The following MICAL3 variants were observed in gnomAD, a reference collection of about 807,000 sequenced individuals.
MICAL3 encodes the protein [F-actin]-monooxygenase MICAL3.
Under a neutral mutation model 207.4 loss-of-function variants are expected in MICAL3, and 62 were observed. That is an observed-to-expected ratio of 0.30 (90% CI 0.24 to 0.37). MICAL3 has a LOEUF of 0.37. Ranked by LOEUF, MICAL3 falls within the 10% of genes least tolerant of loss-of-function variation. The pLI, the probability that MICAL3 is intolerant of heterozygous loss-of-function variation, is 1.00. For synonymous variants in MICAL3, 1,077 were observed against 1,069.3 expected (o/e 1.01, Z -0.14); for missense variants, 2,368 against 2,635.6 (o/e 0.90, Z 2.22).
intron 1 of MICAL3, among the ~76,000 whole-genome samples, chr22:17,991,660 G>A (rs1288079354): frequency 6.6e-6 from 1 of 152,078 alleles, no homozygotes; most frequent in Non-Finnish European, 1.5e-5. Flanking sequence ...ATTTATAGAA[G>A]ACATAAGTAA....
chr22:17,828,351 T>G (rs113815576), intron 21 of MICAL3, among the ~76,000 whole-genome samples: 1 of 152,234 alleles, frequency 6.6e-6, no homozygotes, highest in Non-Finnish European at 1.5e-5. Flanking sequence ...AGGACAGAGA[T>G]AGACTTTGCT....
chr22:17,885,808 G>A (rs1207777811), intron 16 of MICAL3, 70 bp downstream of exon 16: 2 of 1,508,180 alleles, frequency 1.3e-6, no homozygotes, highest in Non-Finnish European at 1.8e-6. Flanking sequence ...CATCTCAATG[G>A]ATGGAAAAGA....
At chr22:17,824,408 C>G (rs1428909646) in intron 22 of MICAL3, among the ~76,000 whole-genome samples, 2 of 152,254 alleles carry the variant, frequency 1.3e-5, no homozygotes, top group Non-Finnish European at 2.9e-5. Context: ...AGGGCGCAGC[C>G]TCGGAAGTAG....
intron 1 of MICAL3, among the ~76,000 whole-genome samples, chr22:17,949,988 G>A (rs1383409607): frequency 6.6e-6 from 1 of 152,180 alleles, no homozygotes. Flanking sequence ...AGACTCCCTG[G>A]GGTGGTCTAG....
At chr22:17,844,549 A>G (rs1420428575) in intron 19 of MICAL3, among the ~76,000 whole-genome samples, 1 of 152,200 alleles carries the variant, frequency 6.6e-6, no homozygotes, top group Non-Finnish European at 1.5e-5. Flanking sequence ...ACCAAATAGC[A>G]TCTTTCGAAT....
chr22:17,948,383 T>C (rs1160202670), intron 1 of MICAL3, among the ~76,000 whole-genome samples: 1 of 152,166 alleles, frequency 6.6e-6, no homozygotes, highest in Non-Finnish European at 1.5e-5. Flanking sequence ...GCAGCATGGA[T>C]ACCGGGGGGC....
At chr22:17,931,568 C>T (rs1051052288) in intron 1 of MICAL3, among the ~76,000 whole-genome samples, 3 of 152,208 alleles carry the variant, frequency 2.0e-5, no homozygotes, top group African/African-American at 7.2e-5. Context: ...CTACCAACTC[C>T]GTGGAACCAG....
At position 17,904,489 on chromosome 22, in the gene MICAL3, G is replaced by T. The variant is rs1277269979; in HGVS notation, c.472+143C>A. On this transcript the variant is annotated intron_variant, in intron 3 of 31. Coordinates refer to ENST00000441493, the MANE Select transcript of MICAL3 (RefSeq NM_015241.3). ...CAGGTGTTTTTACTTCAAGATGAGT[G>T]CACTTACTATAAGAAAGACAGTAAT... 8.6e-6 allele frequency: 6 copies of T among 694,302 alleles called. No individual in the cohort carries two copies. The African/African-American group carries it at 8.8e-5, about 10-fold the overall frequency. The allele number at this position is 694,302 out of a possible 1,614,324, so 43.0% of individuals were successfully genotyped here.
In MICAL3 at chr22:17,872,726, G is replaced by A. The variant is rs149203114; in HGVS notation, c.2242-703C>T. On this transcript the variant is annotated intron_variant, in intron 16 of 31. Transcript: ENST00000441493. ...TGGCTGTGCTGGGTCTAGCTACACAGTGCCTGGAGGCGTCTCTTACCAGTT... is the reference window on the plus strand; with the variant it reads ...TGGCTGTGCTGGGTCTAGCTACACAATGCCTGGAGGCGTCTCTTACCAGTT... The A allele has an allele frequency of 1.9e-4, 272 of 1,451,238 alleles. 3 individuals carry two copies. The East Asian group carries it at 5.9e-3, about 31-fold the overall frequency. The allele number at this position is 1,451,238 out of a possible 1,614,324, so 89.9% of individuals were successfully genotyped here.
chr22:17,898,668 G>A (rs1931071084), intron 7 of MICAL3, among the ~76,000 whole-genome samples: 1 of 152,156 alleles, frequency 6.6e-6, no homozygotes, highest in South Asian at 2.1e-4. Context: ...TCATCGCATG[G>A]GGACAGTGAT....
chr22:17,887,614 G>A (rs1169908319), intron 13 of MICAL3, among the ~76,000 whole-genome samples, 179 bp from the exon 14 acceptor site: 1 of 152,216 alleles, frequency 6.6e-6, no homozygotes, highest in African/African-American at 2.4e-5. Context: ...GCATACTTGG[G>A]TATGGACATT....
chr22:17,847,633 C>T (rs955738651), intron 19 of MICAL3, among the ~76,000 whole-genome samples: 4 of 152,194 alleles, frequency 2.6e-5, no homozygotes, highest in East Asian at 3.9e-4. Context: ...GACCACCTTC[C>T]GGCGTCACCT....
At chr22:17,854,427 G>C (rs1925683251) in intron 19 of MICAL3, among the ~76,000 whole-genome samples, 1 of 152,184 alleles carries the variant, frequency 6.6e-6, no homozygotes, top group South Asian at 2.1e-4. Flanking sequence ...CACAAGGTCT[G>C]ACGTGGTAAG....
intron 16 of MICAL3, among the ~76,000 whole-genome samples, chr22:17,877,144 T>TGGAGGTTAGGGAGGTTAG (rs1569109888): frequency 5.7e-5 from 1 of 17,512 alleles, no homozygotes; most frequent in Non-Finnish European, 1.8e-4. Context: ...AGGGAGGTTA[T>TGGAGGTTAGGGAGGTTAG]GGAGGTTAGG....
At chr22:17,949,883 C>T (rs976935885) in intron 1 of MICAL3, among the ~76,000 whole-genome samples, 1 of 152,228 alleles carries the variant, frequency 6.6e-6, no homozygotes, top group Non-Finnish European at 1.5e-5. Flanking sequence ...GAATCTGGGT[C>T]CAGCAGGCCT....
At chr22:17,829,395 C>T (rs1366396217) in intron 21 of MICAL3, among the ~76,000 whole-genome samples, 6 of 152,078 alleles carry the variant, frequency 3.9e-5, no homozygotes, top group Non-Finnish European at 8.8e-5. Flanking sequence ...TCTCAAACTC[C>T]CGATCTCAGG....
At chr22:17,837,702 T>G (rs1923547477) in intron 20 of MICAL3, among the ~76,000 whole-genome samples, 1 of 152,196 alleles carries the variant, frequency 6.6e-6, no homozygotes, top group South Asian at 2.1e-4. Flanking sequence ...CAAGGGTCTG[T>G]GACAAGGCTT....
intron 29 of MICAL3, among the ~76,000 whole-genome samples, chr22:17,795,466 GTAA>G (rs1373897128): frequency 6.6e-6 from 1 of 152,206 alleles, no homozygotes; most frequent in African/African-American, 2.4e-5. Context: ...GCCTGCACGG[GTAA>G]TAATTACAAC....
chr22:17,878,151 C>G (rs1362165005), intron 16 of MICAL3, among the ~76,000 whole-genome samples: 1 of 151,456 alleles, frequency 6.6e-6, no homozygotes, highest in Admixed American at 6.6e-5. Context: ...CCGCACCCGG[C>G]CTTCCCCTCC....
Sources: gnomAD v4.1 joint callset for allele counts (sites outside exome capture counted in the v4.1 genomes callset) on GRCh38, gnomAD v4.1.1 for gene constraint, MANE v1.5 for transcripts, NCBI Gene and HGNC (gene_info 2026-07-23, HGNC 2026-07-21) for gene names.